LVRN: variants seen among roughly 807,000 people sequenced by gnomAD.
LVRN encodes the protein laeverin, also known as aminopeptidase Q.
In LVRN, 99 loss-of-function variants were observed where a neutral mutation model predicts 111.4. The ratio of observed to expected loss-of-function variants is 0.89; its 90% confidence interval spans 0.76 to 1.05. The LOEUF is 1.05. Among genes scored for constraint, LVRN ranks in the 50% least tolerant of loss-of-function variants. LVRN has a pLI of 0.00. For missense variants in LVRN, 1,414 were observed against 1,206.8 expected, an observed-to-expected ratio of 1.17 and a Z score of -2.54; for synonymous variants, 488 against 449.5, an observed-to-expected ratio of 1.09 and a Z score of -1.08.
chr5:116,004,340 A>G (rs1297324878), intron 12 of LVRN, among the ~76,000 whole-genome samples: 2 of 152,212 alleles, frequency 1.3e-5, no homozygotes, highest in African/African-American at 4.8e-5. Flanking sequence ...GCTGGACGCC[A>G]GCTTAGGAGT....
chr5:116,003,499 G>A (rs1337477052), intron 12 of LVRN, 119 bp downstream of exon 12: 2 of 578,026 alleles, frequency 3.5e-6, no homozygotes, highest in Non-Finnish European at 5.4e-6. Context: ...CTCACCTCCA[G>A]GCATGCAAAA....
At chr5:115,996,764 G>A (rs4921045) in intron 6 of LVRN, among the ~76,000 whole-genome samples, 68,204 of 151,940 alleles carry the variant, frequency 0.45, 15,599 homozygotes, top group South Asian at 0.52. Flanking sequence ...CCTGATCTAA[G>A]AAAGCAGCAG....
intron 1 of LVRN, among the ~76,000 whole-genome samples, chr5:115,981,855 G>A (rs1484911682): frequency 2.0e-5 from 3 of 152,090 alleles, no homozygotes; most frequent in Non-Finnish European, 2.9e-5. Context: ...GAGATCGGAA[G>A]GGATATAGGA....
At chr5:115,974,357 C>T (rs1753391638) in intron 1 of LVRN, among the ~76,000 whole-genome samples, 2 of 152,160 alleles carry the variant, frequency 1.3e-5, no homozygotes, top group East Asian at 3.8e-4. Context: ...AAGCGTAACA[C>T]CTAACAGTTT....
chr5:116,004,285 A>G (rs1748309533), intron 12 of LVRN, among the ~76,000 whole-genome samples: 1 of 152,200 alleles, frequency 6.6e-6, no homozygotes. Context: ...GCCAGCTCTA[A>G]TCAATCAGAT....
Position 115,992,121 on chromosome 5 carries a change from A to G in LVRN, c.1106-2A>G. 1 of 1,608,070 alleles carries G rather than the reference A, an allele frequency of 6.2e-7. No homozygotes were observed. Among genetic ancestry groups the G allele is most frequent in the Non-Finnish European group, 8.5e-7 (1 of 1,177,724 alleles). The stretch of plus-strand genomic sequence containing the variant: ...TTTTCTCCTCCATTTAAATCCACTT[A>G]GATATAATTGCCTTGCCTAGTTTTG... On this transcript the variant is annotated splice_acceptor_variant, in intron 4 of 19. Transcript: ENST00000357872. LOFTEE classifies it high-confidence loss of function.
chr5:115,966,228 C>G (rs1428111119), intron 1 of LVRN, among the ~76,000 whole-genome samples: 1 of 152,200 alleles, frequency 6.6e-6, no homozygotes, highest in Non-Finnish European at 1.5e-5. Context: ...CATACCACTC[C>G]TAATCATCTC....
At chr5:115,983,550 T>C (rs905335502) in intron 2 of LVRN, 121 bp downstream of exon 2, 9 of 1,149,532 alleles carry the variant, frequency 7.8e-6, no homozygotes, top group Non-Finnish European at 1.0e-5. Context: ...TCTACTATAA[T>C]TAGGTAGAGC....
intron 19 of LVRN, among the ~76,000 whole-genome samples, chr5:116,024,225 A>C (rs930852510): frequency 2.0e-5 from 3 of 152,200 alleles, no homozygotes; most frequent in African/African-American, 7.2e-5. Flanking sequence ...TTTATTGTAC[A>C]TAAATTAAAT....
chr5:116,007,273 T>C lies in LVRN; in HGVS notation c.2093+1306T>C, dbSNP rs564380058. On this transcript the variant is annotated intron_variant, in intron 13 of 19. Coordinates refer to ENST00000357872, the MANE Select transcript of LVRN (RefSeq NM_173800.5). ...CTTTCCACCTAATCTAAACTCTTCA[T>C]CCTGACATTCAAGGATCTTCACAGG... Among the ~76,000 whole-genome samples the C allele has an allele frequency of 6.6e-5, 10 of 152,320 alleles. No homozygotes were observed. The East Asian group carries it at 1.9e-3, about 29-fold the overall frequency.
rs1748866869 is a variant in LVRN at position 116,026,336 on chromosome 5, ATGTC to A, written c.*219_*222del. On this transcript the variant is annotated 3_prime_UTR_variant, in exon 20 of 20. Coordinates refer to ENST00000357872, the MANE Select transcript of LVRN (RefSeq NM_173800.5). Reference sequence around the variant, plus strand: ...CAATGCTGCTGTATTTCTGGGAAAGATGTCACTTCATGTTGGGTTATAATCCCAC... The same window carrying A: ...CAATGCTGCTGTATTTCTGGGAAAGAACTTCATGTTGGGTTATAATCCCAC... The A allele has an allele frequency of 8.9e-6, 5 of 563,944 alleles. No individual in the cohort carries two copies. Among genetic ancestry groups the A allele is most frequent in the Non-Finnish European group, 1.5e-5 (5 of 325,098 alleles). 34.9% of individuals were successfully genotyped at this position (563,944 alleles called of 1,614,324 possible). A position where few individuals can be genotyped will look rare whatever the true frequency, so the allele number is the denominator to read the frequency against.
rs1206610922 is a variant in LVRN at position 116,014,535 on chromosome 5, T to C, written c.2450+8T>C. On this transcript the variant is annotated splice_region_variant and intron_variant, in intron 16 of 19. Coordinates refer to ENST00000357872, the MANE Select transcript of LVRN (RefSeq NM_173800.5). ...GGATCATCCAGAAAATGAGTAAGAGTAATATCATAATTCCTCTTGTTTTTG... is the reference window on the plus strand; with the variant it reads ...GGATCATCCAGAAAATGAGTAAGAGCAATATCATAATTCCTCTTGTTTTTG... 2.5e-6 allele frequency: 4 copies of C among 1,590,796 alleles called. No individual in the cohort carries two copies. The highest frequency in any genetic ancestry group is 3.4e-6 in the Non-Finnish European group (4 of 1,159,624).
intron 1 of LVRN, among the ~76,000 whole-genome samples, chr5:115,970,097 A>G (rs1192709513): frequency 6.6e-6 from 1 of 152,144 alleles, no homozygotes; most frequent in Non-Finnish European, 1.5e-5. Flanking sequence ...TACTGCACAT[A>G]TTTAAAGTAC....
chr5:116,024,755 A>T lies in LVRN; in HGVS notation c.2833-1223A>T, dbSNP rs180897872. ...GTCACTCACAGCTTTTCGAAATTGT[A>T]AAAATGGATTTAGCAGTAAATTATT... On this transcript the variant is annotated intron_variant, in intron 19 of 19. Coordinates refer to ENST00000357872, the MANE Select transcript of LVRN (RefSeq NM_173800.5). Among the ~76,000 whole-genome samples the T allele has an allele frequency of 2.2e-3, 337 of 152,334 alleles. 2 individuals carry two copies. The highest frequency in any genetic ancestry group is 3.3e-3 in the Non-Finnish European group (224 of 68,026).
chr5:116,003,445 G>A (rs1242014729), intron 12 of LVRN, 65 bp downstream of exon 12: 1 of 1,088,246 alleles, frequency 9.2e-7, no homozygotes, highest in Non-Finnish European at 1.2e-6. Context: ...TGTTTTAGAA[G>A]TTGAACATTC....
chr5:115,996,478 T>G (rs885120), intron 6 of LVRN, among the ~76,000 whole-genome samples: 71,696 of 152,042 alleles, frequency 0.47, 17,134 homozygotes, highest in East Asian at 0.65. Context: ...CCACGTTCTT[T>G]GTTTTTAAAA....
chr5:115,964,979 C>T (rs370609903), intron 1 of LVRN, among the ~76,000 whole-genome samples: 3 of 152,158 alleles, frequency 2.0e-5, no homozygotes, highest in South Asian at 4.1e-4. Flanking sequence ...GCTTGTGGTA[C>T]GCCAGATTCT....
chr5:115,981,647 T>A (rs1005155195), intron 1 of LVRN, among the ~76,000 whole-genome samples: 1 of 152,170 alleles, frequency 6.6e-6, no homozygotes, highest in African/African-American at 2.4e-5. Context: ...AGTCACCCTG[T>A]TGTGCTATTA....
chr5:115,967,876 G>T (rs767706107), intron 1 of LVRN, among the ~76,000 whole-genome samples: 20 of 151,952 alleles, frequency 1.3e-4, no homozygotes, highest in Non-Finnish European at 2.1e-4. Flanking sequence ...TTTAATTTTG[G>T]TTTTCTACAT....
Sources: gnomAD v4.1 joint callset for allele counts (sites outside exome capture counted in the v4.1 genomes callset) on GRCh38, gnomAD v4.1.1 for gene constraint, MANE v1.5 for transcripts, NCBI Gene and HGNC (gene_info 2026-07-23, HGNC 2026-07-21) for gene names.